The following ANKRD11 variants were observed in gnomAD, a reference collection of about 807,000 sequenced individuals.
ANKRD11 encodes the protein ankyrin repeat domain-containing protein 11.
In ANKRD11, 17 loss-of-function variants were observed where a neutral mutation model predicts 195.7. The observed-to-expected ratio is 0.09, with a 90% CI of 0.06 to 0.13. The LOEUF is 0.13. ANKRD11 is among the 10% of genes least tolerant of loss of function. The probability of loss-of-function intolerance (pLI) is 1.00; values close to 1 mark genes in which losing one functional copy is unlikely to be tolerated. For missense variants in ANKRD11, 3,735 were observed against 3,566.1 expected (o/e 1.05, Z -1.21); for synonymous variants, 1,953 against 1,528.1 (o/e 1.28, Z -6.49).
chr16:89,394,801 G>A lies in ANKRD11; in HGVS notation c.-60+23483C>T, dbSNP rs113367182. Among the ~76,000 whole-genome samples, 482 of 152,214 alleles carry A rather than the reference G, an allele frequency of 3.2e-3. 2 individuals carry two copies. Among genetic ancestry groups the A allele is most frequent in the African/African-American group, 0.011 (440 of 41,526 alleles). On this transcript the variant is annotated intron_variant, in intron 2 of 12. Coordinates refer to ENST00000301030, the MANE Select transcript of ANKRD11 (RefSeq NM_013275.6). Reference sequence around the variant, plus strand: ...AGCCATCTCCATAATATATGGCCCCGAGAGTTACACACATGAGGTTATTGA... The same window carrying A: ...AGCCATCTCCATAATATATGGCCCCAAGAGTTACACACATGAGGTTATTGA...
intron 12 of ANKRD11, 62 bp downstream of exon 12, chr16:89,270,755 C>T (rs2033075986): frequency 5.8e-6 from 9 of 1,545,978 alleles, no homozygotes. Context: ...GTTGTCACCA[C>T]CCATCACAGA....
chr16:89,323,678 C>T (rs1194619674), intron 2 of ANKRD11: 7 of 305,334 alleles, frequency 2.3e-5, no homozygotes, highest in Admixed American at 4.7e-5. Context: ...TGACAGTCCA[C>T]GTCAGCGTCT....
chr16:89,459,616 T>A (rs1215676045), intron 1 of ANKRD11, among the ~76,000 whole-genome samples: 1 of 152,208 alleles, frequency 6.6e-6, no homozygotes, highest in Admixed American at 6.5e-5. Flanking sequence ...TGATTCCTAG[T>A]ACTGTTTCAG....
chr16:89,462,056 CTCTCCCT>C (rs2056692578), intron 1 of ANKRD11, among the ~76,000 whole-genome samples: 1 of 41,692 alleles, frequency 2.4e-5, no homozygotes, highest in African/African-American at 6.2e-5. Context: ...CCCCCTCTCC[CTCTCCCT>C]CTCTCCCTCT....
intron 2 of ANKRD11, chr16:89,412,684 T>C (rs1257243524): frequency 1.3e-5 from 2 of 152,130 alleles, no homozygotes; most frequent in African/African-American, 4.8e-5. Context: ...AAAATGTTTT[T>C]CACCCTCAGA....
At chr16:89,277,686 G>T (rs1290842941) in intron 9 of ANKRD11, 1 of 152,304 alleles carries the variant, frequency 6.6e-6, no homozygotes, top group African/African-American at 2.4e-5. Flanking sequence ...GGGAAAGACC[G>T]CAGAGGTCAC....
chr16:89,479,734 G>C (rs2057380262), intron 1 of ANKRD11, among the ~76,000 whole-genome samples: 1 of 151,982 alleles, frequency 6.6e-6, no homozygotes, highest in African/African-American at 2.4e-5. Context: ...ACGAGTTCAG[G>C]AGATTGAGAC....
intron 1 of ANKRD11, among the ~76,000 whole-genome samples, chr16:89,424,048 T>C (rs989442531): frequency 1.3e-5 from 2 of 151,428 alleles, no homozygotes; most frequent in Non-Finnish European, 2.9e-5. Flanking sequence ...ACTCGACCAG[T>C]GAGGAACTGG....
Position 89,285,781 on chromosome 16 carries a change from G to C in ANKRD11, c.893-132C>G. On this transcript the variant is annotated intron_variant, in intron 8 of 12. Transcript: ENST00000301030. The surrounding 1 kb of genome is among the most constrained non-coding windows in gnomAD (Gnocchi z 5.6). ...CTGCCTCTGCAGAGACACTTTGCTC[G>C]ACTCATGGAAACCAGCCACAGGCAG... 1.7e-6 allele frequency: 2 copies of C among 1,145,890 alleles called. No individual in the cohort carries two copies. Among genetic ancestry groups the C allele is most frequent in the Non-Finnish European group, 2.6e-6 (2 of 782,264 alleles). 71.0% of individuals were successfully genotyped at this position (1,145,890 alleles called of 1,614,324 possible).
intron 1 of ANKRD11, among the ~76,000 whole-genome samples, chr16:89,425,357 C>T (rs969487916): frequency 4.0e-4 from 61 of 152,298 alleles, no homozygotes; most frequent in Admixed American, 1.1e-3. Flanking sequence ...AAATGGAAAA[C>T]ATGGACATGA....
At chr16:89,297,317 A>G (rs1043485649) in intron 4 of ANKRD11, among the ~76,000 whole-genome samples, 3 of 152,156 alleles carry the variant, frequency 2.0e-5, no homozygotes, top group African/African-American at 7.2e-5. Flanking sequence ...CTGCTCCACA[A>G]AGGGATGTTT....
intron 4 of ANKRD11, chr16:89,300,687 G>A (rs374108411): frequency 1.9e-6 from 1 of 539,380 alleles, no homozygotes; most frequent in African/African-American, 1.9e-5. Flanking sequence ...TCCTATCTGA[G>A]GCACCAGGAA....
intron 12 of ANKRD11, chr16:89,270,518 G>C (rs1325195987): frequency 6.6e-6 from 3 of 452,434 alleles, no homozygotes; most frequent in Non-Finnish European, 1.2e-5. Flanking sequence ...CCTTAGAGGG[G>C]GCTCACAGGG....
Position 89,291,080 on chromosome 16 carries a change from G to A in ANKRD11, c.330C>T (p.Pro110=), listed in dbSNP as rs142575773. The change falls in exon 5 of 13, where the codon CCC becomes CCT. Residue 110 remains proline (P), a synonymous_variant. Transcript: ENST00000301030. The surrounding 1 kb of genome is among the most constrained non-coding windows in gnomAD (Gnocchi z 5.3). ...MGLSGIRAGY[P]LSERQQVALL... is the part of the protein sequence containing the mutation. The stretch of plus-strand genomic sequence containing the variant: ...GGGCCACCTGCTGGCGCTCGGAGAG[G>A]GGGTAGCCGGCTCGGATTCCAGACA... 10 of 1,613,680 alleles carry A rather than the reference G, an allele frequency of 6.2e-6. No homozygotes were observed. The East Asian group carries it at 2.0e-4, about 32-fold the overall frequency.
At chr16:89,381,840 A>G (rs2040671017) in intron 2 of ANKRD11, among the ~76,000 whole-genome samples, 1 of 152,218 alleles carries the variant, frequency 6.6e-6, no homozygotes, top group African/African-American at 2.4e-5. Flanking sequence ...AGGTCAGATG[A>G]GACCCAGGAG....
chr16:89,441,546 T>G (rs1473251406), intron 1 of ANKRD11, among the ~76,000 whole-genome samples: 1 of 151,838 alleles, frequency 6.6e-6, no homozygotes, highest in Non-Finnish European at 1.5e-5. Context: ...GGCGGGCGGA[T>G]CACGAGGTCA....
chr16:89,307,944 C>T (rs982062581), intron 3 of ANKRD11, among the ~76,000 whole-genome samples: 1 of 151,620 alleles, frequency 6.6e-6, no homozygotes, highest in Non-Finnish European at 1.5e-5. Flanking sequence ...TTCTACCAAA[C>T]ATGTGAAGAG....
At chr16:89,449,962 G>GCCC (rs1419351070) in intron 1 of ANKRD11, among the ~76,000 whole-genome samples, 1 of 152,182 alleles carries the variant, frequency 6.6e-6, no homozygotes, top group Non-Finnish European at 1.5e-5. Flanking sequence ...CCCTGAGGGA[G>GCCC]CCCTTCCTAA....
chr16:89,270,711 G>A (rs2033069365), intron 12 of ANKRD11, 106 bp downstream of exon 12: 2 of 1,095,292 alleles, frequency 1.8e-6, no homozygotes, highest in Admixed American at 2.0e-5. Context: ...TCACAGAACT[G>A]GGCAGCGGCC....
Sources: allele counts gnomAD v4.1 joint callset (sites outside exome capture counted in the v4.1 genomes callset), GRCh38; gene constraint gnomAD v4.1.1; non-coding constraint Gnocchi (gnomAD v3.1); transcripts MANE v1.5; gene names NCBI Gene and HGNC (gene_info 2026-07-23, HGNC 2026-07-21).